The following RPTOR variants were observed in gnomAD, a reference collection of about 807,000 sequenced individuals.
RPTOR encodes regulatory associated protein of MTOR complex 1, also known as regulatory-associated protein of mTOR.
In RPTOR, 21 loss-of-function variants were observed where a neutral mutation model predicts 169.9. That is an observed-to-expected ratio of 0.12 (90% CI 0.09 to 0.18). The LOEUF is 0.18. Among genes scored for constraint, RPTOR ranks in the 10% least tolerant of loss-of-function variants. The pLI is 1.00. For missense variants in RPTOR, 1,133 were observed against 1,855.9 expected (o/e 0.61, Z 7.16); for synonymous variants, 732 against 753.2 (o/e 0.97, Z 0.46).
At chr17:80,579,186 G>C (rs1318513932) in intron 1 of RPTOR, among the ~76,000 whole-genome samples, 1 of 151,812 alleles carries the variant, frequency 6.6e-6, no homozygotes, top group Non-Finnish European at 1.5e-5. Context: ...TTATTTATTT[G>C]TTTATTTATT....
At chr17:80,723,264 C>G (rs1317302977) in intron 4 of RPTOR, among the ~76,000 whole-genome samples, 1 of 151,044 alleles carries the variant, frequency 6.6e-6, no homozygotes, top group Non-Finnish European at 1.5e-5. Context: ...ATGCAGATAT[C>G]CTGTTTCTCC....
chr17:80,571,457 T>G (rs1302253811), intron 1 of RPTOR, among the ~76,000 whole-genome samples: 2 of 152,198 alleles, frequency 1.3e-5, no homozygotes, highest in East Asian at 3.8e-4. Context: ...TGTTGCACCT[T>G]GATCCCAGTT....
At chr17:80,939,871 G>C (rs1013499060) in intron 24 of RPTOR, among the ~76,000 whole-genome samples, 3 of 152,210 alleles carry the variant, frequency 2.0e-5, no homozygotes, top group African/African-American at 7.2e-5. Flanking sequence ...TCCCTGGGGA[G>C]GCGTTTCCCA....
chr17:80,577,156 C>G (rs779637112), intron 1 of RPTOR, among the ~76,000 whole-genome samples: 5 of 152,060 alleles, frequency 3.3e-5, no homozygotes, highest in Non-Finnish European at 5.9e-5. Flanking sequence ...CTCATCCTCC[C>G]AAGTAGCTGA....
At position 80,583,036 on chromosome 17, in the gene RPTOR, C is replaced by T. The variant is rs375790567; in HGVS notation, c.162+37245C>T. Among the ~76,000 whole-genome samples, 65 of 151,784 alleles carry T rather than the reference C, an allele frequency of 4.3e-4. No individual in the cohort carries two copies. In the East Asian group the frequency reaches 7.4e-3, roughly 17 times the overall value. On this transcript the variant is annotated intron_variant, in intron 1 of 33. Coordinates refer to ENST00000306801, the MANE Select transcript of RPTOR (RefSeq NM_020761.3). ...GTTCAAGCAATCCTCTCACTTCAGC[C>T]TCCTGAGTAGCTGGGACCCCAGGCA... is the stretch of plus-strand genomic sequence containing the variant.
intron 21 of RPTOR, among the ~76,000 whole-genome samples, chr17:80,915,884 A>G (rs1373324744): frequency 2.6e-5 from 4 of 151,218 alleles, no homozygotes; most frequent in Non-Finnish European, 5.9e-5. Flanking sequence ...CGTCGGGAAA[A>G]CCAGCTGCAG....
rs1052236311 is a variant in RPTOR, at chr17:80,957,961, C to T, written c.3477+231C>T. ...GCCCTGCGCTGCAGTATGGCTCAGG[C>T]TGCGCCAGCTCTGAGTGTTTGCAAG... is the stretch of plus-strand genomic sequence containing the variant. On this transcript the variant is annotated intron_variant, in intron 29 of 33. Coordinates refer to ENST00000306801, the MANE Select transcript of RPTOR (RefSeq NM_020761.3). The surrounding 1 kb of genome is among the most constrained non-coding windows in gnomAD (Gnocchi z 4.6). Among the ~76,000 whole-genome samples, 1 of 152,222 alleles carries T rather than the reference C, an allele frequency of 6.6e-6. No individual in the cohort carries two copies. The highest frequency in any genetic ancestry group is 2.4e-5 in the African/African-American group (1 of 41,454).
At chr17:80,935,214 G>A (rs2068941217) in intron 24 of RPTOR, among the ~76,000 whole-genome samples, 1 of 152,068 alleles carries the variant, frequency 6.6e-6, no homozygotes, top group Admixed American at 6.5e-5. Context: ...AAATGAAAAG[G>A]TCTAAGTAAA....
At chr17:80,557,561 G>A (rs9897762) in intron 1 of RPTOR, among the ~76,000 whole-genome samples, 93,209 of 151,328 alleles carry the variant, frequency 0.62, 29,327 homozygotes, top group Middle Eastern at 0.71. Flanking sequence ...CAAAAATAAG[G>A]AGGTATTTTG....
At chr17:80,618,104 C>G (rs1052374630) in intron 1 of RPTOR, among the ~76,000 whole-genome samples, 8 of 152,044 alleles carry the variant, frequency 5.3e-5, no homozygotes, top group African/African-American at 1.9e-4. Flanking sequence ...CCTCAGCCTC[C>G]CGAGTAGCTG....
chr17:80,848,591 C>G (rs887295057), intron 11 of RPTOR, among the ~76,000 whole-genome samples: 1 of 152,216 alleles, frequency 6.6e-6, no homozygotes. Flanking sequence ...CACGGGTGAC[C>G]GGGGGTGGCC....
intron 4 of RPTOR, among the ~76,000 whole-genome samples, chr17:80,709,711 GT>G (rs140659407): frequency 3.9e-5 from 6 of 151,934 alleles, no homozygotes; most frequent in Non-Finnish European, 7.4e-5. Flanking sequence ...GTTGTCACAG[GT>G]TTTTTTTAAT....
intron 1 of RPTOR, among the ~76,000 whole-genome samples, chr17:80,570,291 T>TG (rs1436930966): frequency 4.6e-5 from 7 of 152,052 alleles, no homozygotes; most frequent in Non-Finnish European, 8.8e-5. Flanking sequence ...TTGTGTATGG[T>TG]GGGAGGGCTA....
chr17:80,764,542 T>C (rs548177499), intron 6 of RPTOR, among the ~76,000 whole-genome samples: 1 of 152,014 alleles, frequency 6.6e-6, no homozygotes, highest in East Asian at 1.9e-4. Context: ...GTGCCACATT[T>C]TCTTAATCCA....
In RPTOR at chr17:80,889,145, C is replaced by T. The variant is rs570865363; in HGVS notation, c.1984-2575C>T. 5.9e-5 allele frequency among the ~76,000 whole-genome samples: 9 copies of T among 152,344 alleles called. No homozygotes were observed. In the East Asian group the frequency reaches 1.5e-3, roughly 26 times the overall value. ...GGAAGAGGCACCAGCACTTTGAATG[C>T]GGAGCTCACAGCACTTGCTCACAGG... On this transcript the variant is annotated intron_variant, in intron 17 of 33. Transcript: ENST00000306801.
intron 9 of RPTOR, among the ~76,000 whole-genome samples, chr17:80,828,470 C>T (rs977877610): frequency 1.3e-5 from 2 of 152,348 alleles, no homozygotes; most frequent in Non-Finnish European, 2.9e-5. Flanking sequence ...GTGACTCCCA[C>T]GCTTCGATGC....
At chr17:80,869,453 G>T (rs2068028384) in intron 13 of RPTOR, among the ~76,000 whole-genome samples, 1 of 152,228 alleles carries the variant, frequency 6.6e-6, no homozygotes, top group South Asian at 2.1e-4. Flanking sequence ...ACTACACCTG[G>T]CCCCCCTTCT....
At chr17:80,665,501 TCCA>T in intron 3 of RPTOR, among the ~76,000 whole-genome samples, 1 of 27,916 alleles carries the variant, frequency 3.6e-5, no homozygotes, top group African/African-American at 2.5e-4. Flanking sequence ...TCCTTTCCTT[TCCA>T]TGTCCTTTCC....
intron 5 of RPTOR, among the ~76,000 whole-genome samples, chr17:80,751,997 C>T (rs954602356): frequency 3.9e-5 from 6 of 152,328 alleles, no homozygotes; most frequent in African/African-American, 9.6e-5. Context: ...TTTGTAGACA[C>T]GTGAATGAAG....
Sources: allele counts gnomAD v4.1 joint callset (sites outside exome capture counted in the v4.1 genomes callset), GRCh38; gene constraint gnomAD v4.1.1; non-coding constraint Gnocchi (gnomAD v3.1); transcripts MANE v1.5; gene names NCBI Gene and HGNC (gene_info 2026-07-23, HGNC 2026-07-21).